HPS4: variants seen among roughly 807,000 people sequenced by gnomAD.
HPS4 encodes HPS4 biogenesis of lysosomal organelles complex 3 subunit 2.
A neutral mutation model predicts 70.3 loss-of-function variants in HPS4; 44 were observed. That is an observed-to-expected ratio of 0.63 (90% CI 0.49 to 0.80). The LOEUF (loss-of-function observed/expected upper bound fraction) is 0.80, where lower values mean the gene tolerates loss of function less well. Among genes scored for constraint, HPS4 ranks in the 30% least tolerant of loss-of-function variants. The pLI is 0.00. For missense variants in HPS4, 873 were observed against 884.4 expected (o/e 0.99, Z 0.16); for synonymous variants, 377 against 355.9 (o/e 1.06, Z -0.67).
intron 13 of HPS4, among the ~76,000 whole-genome samples, chr22:26,456,322 C>A (rs2086130070): frequency 6.6e-6 from 1 of 152,220 alleles, no homozygotes; most frequent in South Asian, 2.1e-4. Flanking sequence ...AGCTGCTTAT[C>A]CTATTTGTGC....
chr22:26,466,166 G>A lies in HPS4; in HGVS notation c.706+60C>T, dbSNP rs1457753215. 4 of 1,611,316 alleles carry A rather than the reference G, an allele frequency of 2.5e-6. No homozygotes were observed. In the African/African-American group the frequency reaches 5.3e-5, roughly 22 times the overall value. On this transcript the variant is annotated intron_variant, in intron 9 of 13. Coordinates refer to ENST00000398145, the MANE Select transcript of HPS4 (RefSeq NM_022081.6). ...TGGTTTCCTTCGCATAACTTGTACA[G>A]GGGTAGGTAGCATAAAAGACCGCCG...
At chr22:26,450,107 C>T (rs892274800), downstream of HPS4, among the ~76,000 whole-genome samples, 2 of 152,204 alleles carry the variant, frequency 1.3e-5, no homozygotes, top group African/African-American at 2.4e-5. Flanking sequence ...TTAGGGACCA[C>T]GGGATAAGCC....
rs1338443235 is a variant in HPS4, at chr22:26,464,521, G to C, written c.1109C>G (p.Ser370Cys). Residue 370 changes from serine to cysteine, a missense_variant, in exon 11 of 14, where the codon TCT becomes TGT. Transcript: ENST00000398145. ...LVFLQEELDL[S>C]EIHIPEAQEV... ...CTGAGCCTCTGGAATGTGGATTTCA[G>C]ACAAGTCGAGTTCTTCTTGGAGAAA... is the stretch of plus-strand genomic sequence containing the variant. 6.2e-7 allele frequency: 1 copy of C among 1,614,084 alleles called. No individual in the cohort carries two copies. The highest frequency in any genetic ancestry group is 1.7e-5 in the Admixed American group (1 of 60,012).
chr22:26,476,554 C>T (rs1260512112), intron 4 of HPS4: 1 of 185,166 alleles, frequency 5.4e-6, no homozygotes, highest in East Asian at 1.5e-4. Context: ...TACTATGTTG[C>T]CCAGGCTGAT....
At chr22:26,464,930 G>T in intron 10 of HPS4, 104 bp from the exon 11 acceptor site, 2 of 1,088,392 alleles carry the variant, frequency 1.8e-6, no homozygotes, top group Non-Finnish European at 2.6e-6. Context: ...ACAAGGGGGT[G>T]CCTGAGGCCA....
chr22:26,466,408 T>C lies in HPS4; in HGVS notation c.670-146A>G, dbSNP rs932295305. The C allele has an allele frequency of 2.2e-5, 19 of 872,912 alleles. No homozygotes were observed. The Admixed American group carries it at 3.6e-4, about 16-fold the overall frequency. The allele number at this position is 872,912 out of a possible 1,614,324, so 54.1% of individuals were successfully genotyped here. A position where few individuals can be genotyped will look rare whatever the true frequency, so the allele number is the denominator to read the frequency against. ...AACCACATGCTAAGAGCCAAGCAGA[T>C]GGAACAGAAGCTCCCCCAAGCTGCT... is the stretch of plus-strand genomic sequence containing the variant. On this transcript the variant is annotated intron_variant, in intron 8 of 13. Coordinates refer to ENST00000398145, the MANE Select transcript of HPS4 (RefSeq NM_022081.6).
rs1391331319 is a variant in HPS4 at position 26,464,764 on chromosome 22, C to T, written c.866G>A (p.Ser289Asn). 4 of 1,586,182 alleles carry T rather than the reference C, an allele frequency of 2.5e-6. No homozygotes were observed. Among genetic ancestry groups the T allele is most frequent in the African/African-American group, 1.4e-5 (1 of 74,006 alleles). Residue 289 changes from serine to asparagine, a missense_variant, in exon 11 of 14, where the codon AGC becomes AAC. Transcript: ENST00000398145. ...GGCGTTTTCTTTCAGGGCAGATGTG[C>T]TCCCACCCTTTGGATGGTGCTGGGC... ...GSAQHHPKGGSTSALKENATG... is the reference protein window; with the variant it reads ...GSAQHHPKGGNTSALKENATG...
Position 26,464,103 on chromosome 22 carries a change from AC to A in HPS4, c.1526del (p.Ser509IlefsTer21). Reference protein sequence around the residue: ...ESHAAPGLECSSGSANCQGAG... With the variant: ...ESHAAPGLECXSGSANCQGAG... ...CACCCTGACAGTTTGCTGAGCCTGA[AC>A]TGCATTCCAGACCAGGGGCTGCGTG... On this transcript the variant is annotated frameshift_variant, in exon 11 of 14. Transcript: ENST00000398145. LOFTEE classifies it high-confidence loss of function. 1 of 1,614,254 alleles carries A rather than the reference AC, an allele frequency of 6.2e-7. No individual in the cohort carries two copies. The highest frequency in any genetic ancestry group is 8.5e-7 in the Non-Finnish European group (1 of 1,180,038).
At chr22:26,444,550 C>CACTAGAGATGCCTTTTCTGAATAATGT (rs1156688122) in exon 4 of HPS4, 8 of 152,256 alleles carry the variant, frequency 5.3e-5, no homozygotes, top group Non-Finnish European at 1.5e-5. Context: ...CGGCCAGCCA[C>CACTAGAGATGCCTTTTCTGAATAATGT]ACTAGAGATG....
At chr22:26,464,953 G>A (rs969406504) in intron 10 of HPS4, 127 bp from the exon 11 acceptor site, 4 of 794,764 alleles carry the variant, frequency 5.0e-6, no homozygotes, top group Non-Finnish European at 7.8e-6. Flanking sequence ...GAGCCTAAGA[G>A]GCCACCAGAG....
intron 8 of HPS4, chr22:26,467,813 G>A (rs1232334630): frequency 1.3e-5 from 2 of 152,248 alleles, no homozygotes; most frequent in Non-Finnish European, 2.9e-5. Context: ...TTCTCAATGA[G>A]CATGCATGGC....
At chr22:26,453,824 G>A (rs2085604989) in intron 13 of HPS4, 1 of 269,784 alleles carries the variant, frequency 3.7e-6, no homozygotes, top group South Asian at 3.8e-5. Context: ...GAGGCTCAGA[G>A]TGAGTAGCTG....
At chr22:26,460,025 T>C (rs906914622) in intron 11 of HPS4, among the ~76,000 whole-genome samples, 4 of 152,204 alleles carry the variant, frequency 2.6e-5, no homozygotes, top group African/African-American at 9.6e-5. Context: ...TGGGAGTATA[T>C]TGGTGTTAAA....
upstream of HPS4, chr22:26,483,851 A>C: frequency 3.1e-6 from 4 of 1,310,694 alleles, no homozygotes; most frequent in South Asian, 8.6e-5. Flanking sequence ...CGCGGCGATG[A>C]CGTGCCGAGT....
In HPS4 at chr22:26,479,360, C is replaced by G. The variant is rs1466360140; in HGVS notation, c.42-5G>C. 2 of 1,613,750 alleles carry G rather than the reference C, an allele frequency of 1.2e-6. No homozygotes were observed. The highest frequency in any genetic ancestry group is 1.7e-5 in the Admixed American group (1 of 59,978). ...TAAAGAAAAAAATAATTCCACCTGG[C>G]AAGAGAACAGAGTGGAGCCATGTTT... On this transcript the variant is annotated splice_region_variant and splice_polypyrimidine_tract_variant and intron_variant, in intron 2 of 13. Coordinates refer to ENST00000398145, the MANE Select transcript of HPS4 (RefSeq NM_022081.6).
chr22:26,449,188 C>A (rs1283516538), downstream of HPS4, among the ~76,000 whole-genome samples: 1 of 152,158 alleles, frequency 6.6e-6, no homozygotes, highest in Non-Finnish European at 1.5e-5. Flanking sequence ...TATCTGGCCT[C>A]CTCTCTGCTT....
chr22:26,475,126 G>A (rs1208277883), intron 4 of HPS4, among the ~76,000 whole-genome samples: 1 of 152,162 alleles, frequency 6.6e-6, no homozygotes, highest in East Asian at 1.9e-4. Flanking sequence ...TACTTGTATA[G>A]GAATGTTCCC....
intron 13 of HPS4, chr22:26,453,676 T>G: frequency 2.0e-6 from 1 of 499,008 alleles, no homozygotes; most frequent in Non-Finnish European, 3.6e-6. Flanking sequence ...GTTATAAGTA[T>G]TGCATAAAGG....
At chr22:26,468,976 T>C (rs1353085135) in intron 7 of HPS4, among the ~76,000 whole-genome samples, 1 of 152,142 alleles carries the variant, frequency 6.6e-6, no homozygotes. Flanking sequence ...AAGAATGAGG[T>C]AGACCCATAT....
Sources: allele counts gnomAD v4.1 joint callset (sites outside exome capture counted in the v4.1 genomes callset), GRCh38; gene constraint gnomAD v4.1.1; transcripts MANE v1.5; gene names NCBI Gene and HGNC (gene_info 2026-07-23, HGNC 2026-07-21).